The following UBE2V1 variants were observed in gnomAD, a reference collection of about 807,000 sequenced individuals.
The protein encoded by UBE2V1 is ubiquitin conjugating enzyme E2 V1.
Under a neutral mutation model 19.6 loss-of-function variants are expected in UBE2V1, and 15 were observed. That is an observed-to-expected ratio of 0.77 (90% CI 0.51 to 1.18). UBE2V1 has a LOEUF of 1.18. UBE2V1 is among the 50% of genes most tolerant of loss of function. The probability of loss-of-function intolerance (pLI) is 0.00; values close to 1 mark genes in which losing one functional copy is unlikely to be tolerated. For synonymous variants in UBE2V1, 60 were observed against 60.7 expected, an observed-to-expected ratio of 0.99 and a Z score of 0.05; for missense variants, 125 against 184.8, an observed-to-expected ratio of 0.68 and a Z score of 1.88.
intron 2 of UBE2V1, among the ~76,000 whole-genome samples, chr20:50,094,177 CATAT>C (rs200869616): frequency 2.6e-4 from 23 of 87,106 alleles, no homozygotes; most frequent in African/African-American, 1.0e-3. Flanking sequence ...TATTACATAT[CATAT>C]ATGTTATATA....
chr20:50,103,840 T>C (rs139417892), intron 1 of UBE2V1, among the ~76,000 whole-genome samples: 42 of 151,984 alleles, frequency 2.8e-4, no homozygotes, highest in African/African-American at 9.6e-4. Flanking sequence ...TTTCTTTACA[T>C]TTGATTTTCT....
At chr20:50,104,899 A>G (rs2080260100) in intron 1 of UBE2V1, among the ~76,000 whole-genome samples, 1 of 151,590 alleles carries the variant, frequency 6.6e-6, no homozygotes, top group Admixed American at 6.6e-5. Context: ...GTTAATTCTC[A>G]TATGTTTAGT....
intron 1 of UBE2V1, among the ~76,000 whole-genome samples, chr20:50,105,389 T>C (rs2080290067): frequency 6.6e-6 from 1 of 152,256 alleles, no homozygotes; most frequent in Non-Finnish European, 1.5e-5. Flanking sequence ...CATCCTATCC[T>C]AAATAGAGTT....
Position 50,082,834 on chromosome 20 carries a change from G to A in UBE2V1, c.378C>T (p.Arg126=), listed in dbSNP as rs116419323. 1 of 1,613,336 alleles carries A rather than the reference G, an allele frequency of 6.2e-7. No individual in the cohort carries two copies. Residue 126 remains arginine (R), a synonymous_variant, in exon 4 of 4, where the codon CGC becomes CGT. Coordinates refer to ENST00000371674, the MANE Select transcript of UBE2V1 (RefSeq NM_001032288.3). ...SIKVVLQELR[R]LMMSKENMKL... ...TCATATTTTCTTTAGACATCATTAG[G>A]CGCCGAAGCTCTTGCAGGACAACTT... is the stretch of plus-strand genomic sequence containing the variant.
intron 2 of UBE2V1, among the ~76,000 whole-genome samples, chr20:50,087,320 T>G (rs897420676): frequency 7.2e-6 from 1 of 138,796 alleles, no homozygotes; most frequent in Non-Finnish European, 1.5e-5. Flanking sequence ...TGCTTAAACC[T>G]GGGAGGTGGA....
chr20:50,092,475 G>T (rs759977190), intron 2 of UBE2V1, among the ~76,000 whole-genome samples: 1 of 152,200 alleles, frequency 6.6e-6, no homozygotes, highest in African/African-American at 2.4e-5. Flanking sequence ...CGGGGGTACT[G>T]CTGGCTTCTA....
At chr20:50,084,710 G>A (rs970495250) in intron 2 of UBE2V1, 2 of 374,142 alleles carry the variant, frequency 5.3e-6, no homozygotes, top group Non-Finnish European at 1.1e-5. Context: ...AAGACAAGAC[G>A]AGGGAGGGGT....
intron 1 of UBE2V1, 94 bp downstream of exon 1, chr20:50,113,013 G>C: frequency 2.0e-6 from 1 of 510,444 alleles, no homozygotes. Context: ...GCGGCGCGGG[G>C]ACCCTGGCTC....
chr20:50,098,004 T>A (rs1279734881), intron 1 of UBE2V1, among the ~76,000 whole-genome samples: 1 of 152,206 alleles, frequency 6.6e-6, no homozygotes, highest in African/African-American at 2.4e-5. Flanking sequence ...GCTTACATTC[T>A]AGTAGAAGAC....
chr20:50,109,479 G>T (rs971746524), intron 1 of UBE2V1, among the ~76,000 whole-genome samples: 1 of 152,014 alleles, frequency 6.6e-6, no homozygotes, highest in Non-Finnish European at 1.5e-5. Flanking sequence ...AGCCCGGCAC[G>T]GTGACTTACG....
In UBE2V1 at chr20:50,082,000, AG is replaced by A. The variant is rs1294129970; in HGVS notation, c.*767del. ...TACCTGATGGCTTCTGGCCAAAGCA[AG>A]GAAGTGTCATGGAAGGTGTTGGGTG... is the stretch of plus-strand genomic sequence containing the variant. On this transcript the variant is annotated 3_prime_UTR_variant, in exon 4 of 4. Coordinates refer to ENST00000371674, the MANE Select transcript of UBE2V1 (RefSeq NM_001032288.3). 1 of 209,146 alleles carries A rather than the reference AG, an allele frequency of 4.8e-6. No homozygotes were observed. Among genetic ancestry groups the A allele is most frequent in the African/African-American group, 2.3e-5 (1 of 43,166 alleles). 13.0% of individuals were successfully genotyped at this position (209,146 alleles called of 1,614,324 possible).
At chr20:50,093,705 T>A (rs1365958391) in intron 2 of UBE2V1, among the ~76,000 whole-genome samples, 1 of 151,890 alleles carries the variant, frequency 6.6e-6, no homozygotes, top group Non-Finnish European at 1.5e-5. Flanking sequence ...CAAAAATGTA[T>A]CTCCGGCAGG....
upstream of UBE2V1, among the ~76,000 whole-genome samples, chr20:50,114,747 G>A (rs1203209051): frequency 2.0e-5 from 3 of 152,040 alleles, no homozygotes; most frequent in Admixed American, 6.6e-5. Flanking sequence ...CTTGCACAGC[G>A]CTGCAGGTGA....
At chr20:50,094,717 T>C (rs1053145141) in intron 2 of UBE2V1, among the ~76,000 whole-genome samples, 3 of 141,144 alleles carry the variant, frequency 2.1e-5, no homozygotes, top group Non-Finnish European at 4.6e-5. Context: ...TTGTCAAAGA[T>C]GGGAAATGGG....
Position 50,084,048 on chromosome 20 carries a change from G to C in UBE2V1, c.297+81C>G. The C allele has an allele frequency of 7.3e-6, 11 of 1,511,992 alleles. No individual in the cohort carries two copies. The South Asian group carries it at 1.5e-4, about 21-fold the overall frequency. The allele number at this position is 1,511,992 out of a possible 1,614,324, so 93.7% of individuals were successfully genotyped here. ...AATAACCAAAGAACCTAGGAATTGGGCCCAGTCTAAAAGCTCCTGATGTTA... is the reference window on the plus strand; with the variant it reads ...AATAACCAAAGAACCTAGGAATTGGCCCCAGTCTAAAAGCTCCTGATGTTA... On this transcript the variant is annotated intron_variant, in intron 3 of 3. Transcript: ENST00000371674.
chr20:50,087,326 G>A (rs1290679167), intron 2 of UBE2V1, among the ~76,000 whole-genome samples: 1 of 150,932 alleles, frequency 6.6e-6, no homozygotes, highest in Admixed American at 6.6e-5. Flanking sequence ...AACCTGGGAG[G>A]TGGAAGTTGC....
In UBE2V1 at chr20:50,081,905, CAGGCTGGTGG is replaced by C. The variant is rs1375075469; in HGVS notation, c.*853_*862del. ...GGCTGAGGACCCAATATTCATTTCC[CAGGCTGGTGG>C]AGAGTGAGTGAGTATGGTTCCAAAA... On this transcript the variant is annotated 3_prime_UTR_variant, in exon 4 of 4. Transcript: ENST00000371674. 3.8e-6 allele frequency: 1 copy of C among 261,870 alleles called. No individual in the cohort carries two copies. The highest frequency in any genetic ancestry group is 7.2e-6 in the Non-Finnish European group (1 of 139,184). 16.2% of individuals were successfully genotyped at this position (261,870 alleles called of 1,614,324 possible).
intron 2 of UBE2V1, among the ~76,000 whole-genome samples, chr20:50,087,030 T>C (rs1207546436): frequency 1.3e-5 from 2 of 151,618 alleles, no homozygotes; most frequent in East Asian, 1.9e-4. Flanking sequence ...TGAGCCGAGA[T>C]TGCGCCACTG....
intron 1 of UBE2V1, among the ~76,000 whole-genome samples, chr20:50,112,703 C>G (rs956043324): frequency 6.6e-6 from 1 of 152,244 alleles, no homozygotes; most frequent in South Asian, 2.1e-4. Flanking sequence ...CTCAGCCGCA[C>G]CCCTGGCACC....
Sources: gnomAD v4.1 joint callset for allele counts (sites outside exome capture counted in the v4.1 genomes callset) on GRCh38, gnomAD v4.1.1 for gene constraint, MANE v1.5 for transcripts, NCBI Gene and HGNC (gene_info 2026-07-23, HGNC 2026-07-21) for gene names.